The following BCL11B variants were observed in gnomAD, a reference collection of about 807,000 sequenced individuals.
BCL11B encodes the protein B-cell lymphoma/leukemia 11B.
In BCL11B, 8 loss-of-function variants were observed where a neutral mutation model predicts 49.9. That is an observed-to-expected ratio of 0.16 (90% CI 0.09 to 0.29). BCL11B has a LOEUF of 0.29. BCL11B is among the 10% of genes least tolerant of loss of function. The pLI, the probability that BCL11B is intolerant of heterozygous loss-of-function variation, is 1.00. For missense variants in BCL11B, 1,006 were observed against 1,351.0 expected (o/e 0.74, Z 4.00); for synonymous variants, 739 against 637.4 (o/e 1.16, Z -2.40).
chr14:99,243,058 T>C (rs191128644), intron 2 of BCL11B, among the ~76,000 whole-genome samples: 31 of 152,336 alleles, frequency 2.0e-4, no homozygotes, highest in African/African-American at 7.5e-4. Context: ...ACATGTCCCC[T>C]GTCCAGCTCC....
intron 3 of BCL11B, among the ~76,000 whole-genome samples, chr14:99,219,374 G>T (rs978351688): frequency 1.3e-5 from 2 of 152,168 alleles, no homozygotes; most frequent in African/African-American, 4.8e-5. Context: ...CCCAGTCTGT[G>T]CCCATTTGCT....
At chr14:99,185,976 G>GA (rs1886841535) in intron 3 of BCL11B, among the ~76,000 whole-genome samples, 1 of 152,226 alleles carries the variant, frequency 6.6e-6, no homozygotes, top group Non-Finnish European at 1.5e-5. Context: ...GATGCACGAT[G>GA]TGTCTACTCT....
chr14:99,237,864 TC>T (rs1354387142), intron 2 of BCL11B, among the ~76,000 whole-genome samples: 1 of 152,138 alleles, frequency 6.6e-6, no homozygotes, highest in Non-Finnish European at 1.5e-5. Flanking sequence ...AAAGAGCCTG[TC>T]CAGCATCCTT....
rs1200694656 is a variant in BCL11B, at chr14:99,171,197, G to A, written c.*2954C>T. On this transcript the variant is annotated 3_prime_UTR_variant, in exon 4 of 4. Transcript: ENST00000357195. ...GGGCGTTCAGAGAGAAGCCCAACAC[G>A]AACGGTTCTCTGTGTAGGCCAATTC... is the stretch of plus-strand genomic sequence containing the variant. 2.2e-5 allele frequency: 5 copies of A among 228,792 alleles called. No individual in the cohort carries two copies. The highest frequency in any genetic ancestry group is 1.9e-4 in the East Asian group (3 of 16,000). 14.2% of individuals were successfully genotyped at this position (228,792 alleles called of 1,614,324 possible).
At chr14:99,222,116 A>C (rs1888027042) in intron 3 of BCL11B, among the ~76,000 whole-genome samples, 1 of 152,198 alleles carries the variant, frequency 6.6e-6, no homozygotes, top group Non-Finnish European at 1.5e-5. Flanking sequence ...TAAAATATAC[A>C]CAGAACACAG....
chr14:99,199,640 C>CTCTGTGTGTG (rs1168964373), intron 3 of BCL11B, among the ~76,000 whole-genome samples: 53 of 109,580 alleles, frequency 4.8e-4, no homozygotes, highest in South Asian at 3.3e-3. Context: ...TGGCTAAATG[C>CTCTGTGTGTG]TGTGTGTGTG....
At chr14:99,189,117 C>T (rs1886947452) in intron 3 of BCL11B, among the ~76,000 whole-genome samples, 1 of 152,234 alleles carries the variant, frequency 6.6e-6, no homozygotes, top group South Asian at 2.1e-4. Flanking sequence ...TATGGTAATT[C>T]TAATGTCAGA....
At position 99,247,472 on chromosome 14, in the gene BCL11B, G is replaced by A. The variant is rs1272006809; in HGVS notation, c.427+9999C>T. Among the ~76,000 whole-genome samples the A allele has an allele frequency of 2.0e-5, 3 of 152,218 alleles. No individual in the cohort carries two copies. The highest frequency in any genetic ancestry group is 7.2e-5 in the African/African-American group (3 of 41,450). ...TCCCGAACAGAGAAGAATTCAGACA[G>A]TTGTTGTCTCTCTGAGCCCAGGACA... On this transcript the variant is annotated intron_variant, in intron 2 of 3. Transcript: ENST00000357195. This position sits in a 1 kb window ranked among gnomAD's most constrained non-coding sequence, Gnocchi z 4.5.
intron 3 of BCL11B, among the ~76,000 whole-genome samples, chr14:99,190,911 G>GA (rs1021502903): frequency 1.3e-5 from 2 of 152,068 alleles, no homozygotes; most frequent in East Asian, 1.9e-4. Context: ...GCCACACGGG[G>GA]GGGGTCACCC....
chr14:99,271,117 G>T, intron 1 of BCL11B, 44 bp downstream of exon 1: 1 of 1,513,582 alleles, frequency 6.6e-7, no homozygotes, highest in Non-Finnish European at 8.8e-7. Context: ...CAGACGCCCG[G>T]AGCCCCATCT....
chr14:99,180,718 T>C (rs142254576), intron 3 of BCL11B, among the ~76,000 whole-genome samples: 4,414 of 152,294 alleles, frequency 0.029, 108 homozygotes, highest in Non-Finnish European at 0.044. Flanking sequence ...CACGTTTTGT[T>C]TTTTTATTAT....
At chr14:99,251,316 T>C (rs953403214) in intron 2 of BCL11B, among the ~76,000 whole-genome samples, 3 of 152,116 alleles carry the variant, frequency 2.0e-5, no homozygotes, top group Non-Finnish European at 2.9e-5. Flanking sequence ...ATCTCCATTA[T>C]CAACAACAGC....
chr14:99,204,609 C>T (rs1887482257), intron 3 of BCL11B, among the ~76,000 whole-genome samples: 1 of 152,172 alleles, frequency 6.6e-6, no homozygotes, highest in African/African-American at 2.4e-5. Context: ...AGCTATTCAT[C>T]CCAGGGGCAG....
chr14:99,175,294 G>GTCGGCCGCCTTGAGGCCC lies in BCL11B; in HGVS notation c.1524_1541dup (p.Glu508_Ala513dup). On this transcript the variant is annotated inframe_insertion, in exon 4 of 4. Transcript: ENST00000357195. ...CGCTCTCGTGGTGGCGGAAGTCACC[G>GTCGGCCGCCTTGAGGCCC]TCGGCCGCCTTGAGGCCCTCGCCCG... 2 of 1,539,876 alleles carry GTCGGCCGCCTTGAGGCCC rather than the reference G, an allele frequency of 1.3e-6. No individual in the cohort carries two copies. The highest frequency in any genetic ancestry group is 1.7e-6 in the Non-Finnish European group (2 of 1,147,990).
At chr14:99,235,096 C>CA (rs1455145780) in intron 2 of BCL11B, among the ~76,000 whole-genome samples, 4 of 152,130 alleles carry the variant, frequency 2.6e-5, no homozygotes, top group Non-Finnish European at 4.4e-5. Context: ...CGTGGAGACA[C>CA]AAAAACGCCT....
chr14:99,190,349 C>T (rs569505308), intron 3 of BCL11B, among the ~76,000 whole-genome samples: 4 of 152,276 alleles, frequency 2.6e-5, no homozygotes, highest in South Asian at 2.1e-4. Flanking sequence ...ACTAGCCAGG[C>T]GTGGTGGCAT....
At chr14:99,209,031 G>A (rs1162507456) in intron 3 of BCL11B, among the ~76,000 whole-genome samples, 1 of 152,184 alleles carries the variant, frequency 6.6e-6, no homozygotes, top group Admixed American at 6.5e-5. Flanking sequence ...GGCTGAGATG[G>A]GCTCACAGTG....
At chr14:99,200,224 A>G (rs1887335923) in intron 3 of BCL11B, among the ~76,000 whole-genome samples, 1 of 152,130 alleles carries the variant, frequency 6.6e-6, no homozygotes, top group Non-Finnish European at 1.5e-5. Flanking sequence ...CAGCCGAGAG[A>G]AGAGCCTGCT....
chr14:99,178,115 T>G (rs1290460246), intron 3 of BCL11B, among the ~76,000 whole-genome samples: 1 of 152,030 alleles, frequency 6.6e-6, no homozygotes, highest in East Asian at 1.9e-4. Context: ...CCCCGCGACC[T>G]CAGAACCAGT....
Sources: allele counts gnomAD v4.1 joint callset (sites outside exome capture counted in the v4.1 genomes callset), GRCh38; gene constraint gnomAD v4.1.1; non-coding constraint Gnocchi (gnomAD v3.1); transcripts MANE v1.5; gene names NCBI Gene and HGNC (gene_info 2026-07-23, HGNC 2026-07-21).